HSD17B2: variants seen among roughly 807,000 people sequenced by gnomAD.
HSD17B2 encodes the protein 17-beta-hydroxysteroid dehydrogenase type 2.
A neutral mutation model predicts 26.9 loss-of-function variants in HSD17B2; 32 were observed. The ratio of observed to expected loss-of-function variants is 1.19; its 90% CI spans 0.90 to 1.60. HSD17B2 has a LOEUF of 1.60. Ranked by LOEUF, HSD17B2 falls within the 40% of genes most tolerant of loss-of-function variation. The pLI, the probability that HSD17B2 is intolerant of heterozygous loss-of-function variation, is 0.00. For missense variants in HSD17B2, 613 were observed against 468.6 expected (o/e 1.31, Z -2.85); for synonymous variants, 246 against 186.7 (o/e 1.32, Z -2.59).
At chr16:82,073,849 G>T (rs899083723) in intron 3 of HSD17B2, among the ~76,000 whole-genome samples, 2 of 152,076 alleles carry the variant, frequency 1.3e-5, no homozygotes, top group Non-Finnish European at 2.9e-5. Context: ...TAGAAAAAAA[G>T]ATTTAAAAAT....
chr16:82,071,675 T>A (rs1373561743), intron 3 of HSD17B2: 3 of 190,214 alleles, frequency 1.6e-5, no homozygotes, highest in African/African-American at 7.1e-5. Flanking sequence ...GAACAAATAG[T>A]ACACAACTTG....
intron 3 of HSD17B2, among the ~76,000 whole-genome samples, chr16:82,084,834 G>A (rs566968235): frequency 3.0e-4 from 46 of 152,194 alleles, no homozygotes; most frequent in Non-Finnish European, 5.7e-4. Context: ...TTGGGCTCAA[G>A]CGATCCTCCC....
intron 1 of HSD17B2, among the ~76,000 whole-genome samples, chr16:82,036,585 G>C (rs547715018): frequency 2.0e-5 from 3 of 152,256 alleles, no homozygotes; most frequent in Admixed American, 6.5e-5. Flanking sequence ...GAATGGCATG[G>C]GGATGTGGTT....
chr16:82,051,121 T>C (rs903875651), intron 1 of HSD17B2, among the ~76,000 whole-genome samples: 5 of 152,248 alleles, frequency 3.3e-5, no homozygotes, highest in Non-Finnish European at 7.3e-5. Context: ...GTTACTTTCA[T>C]AGAACTTTTC....
chr16:82,042,691 G>A (rs1280398095), intron 1 of HSD17B2, among the ~76,000 whole-genome samples: 1 of 151,768 alleles, frequency 6.6e-6, no homozygotes, highest in Non-Finnish European at 1.5e-5. Flanking sequence ...GCACGATCTC[G>A]GCTCACTGCA....
chr16:82,041,381 G>C (rs1913761662), intron 1 of HSD17B2, among the ~76,000 whole-genome samples: 1 of 152,182 alleles, frequency 6.6e-6, no homozygotes, highest in African/African-American at 2.4e-5. Context: ...TGTTCTTTTT[G>C]CTGGGGTCAT....
intron 4 of HSD17B2, chr16:82,095,936 G>A (rs1386304275): frequency 6.6e-6 from 1 of 152,128 alleles, no homozygotes; most frequent in Admixed American, 6.5e-5. Flanking sequence ...ACACAAAACT[G>A]TTAGTTACCT....
intron 1 of HSD17B2, among the ~76,000 whole-genome samples, chr16:82,038,239 A>C (rs1913670809): frequency 6.6e-6 from 1 of 152,258 alleles, no homozygotes; most frequent in South Asian, 2.1e-4. Flanking sequence ...TACAGTAAGA[A>C]AAAGTAAGCA....
Position 82,098,328 on chromosome 16 carries a change from C to G in HSD17B2, c.1056C>G (p.His352Gln). The G allele has an allele frequency of 2.5e-6, 4 of 1,614,220 alleles. No individual in the cohort carries two copies. The highest frequency in any genetic ancestry group is 3.4e-6 in the Non-Finnish European group (4 of 1,180,018). Residue 352 changes from histidine to glutamine, a missense_variant, in exon 5 of 5, where the codon CAC becomes CAG. Coordinates refer to ENST00000199936, the MANE Select transcript of HSD17B2 (RefSeq NM_002153.3). ...CTTACTTGTGGATCTGCCTTGCTCA[C>G]TATTTGCCTATTGGCATATATGATT... ...KGAYLWICLAHYLPIGIYDYF... is the reference protein window; with the variant it reads ...KGAYLWICLAQYLPIGIYDYF...
chr16:82,063,557 A>T (rs557960104), intron 1 of HSD17B2, among the ~76,000 whole-genome samples: 1 of 152,172 alleles, frequency 6.6e-6, no homozygotes, highest in East Asian at 1.9e-4. Flanking sequence ...ACAAAAAAAA[A>T]CCTCAGATTT....
At chr16:82,089,218 A>T (rs1334949544) in intron 3 of HSD17B2, among the ~76,000 whole-genome samples, 1 of 152,228 alleles carries the variant, frequency 6.6e-6, no homozygotes, top group African/African-American at 2.4e-5. Context: ...AATTATACCA[A>T]AGAGTACATA....
intron 3 of HSD17B2, among the ~76,000 whole-genome samples, chr16:82,085,019 C>T (rs145519263): frequency 1.3e-5 from 2 of 152,270 alleles, no homozygotes; most frequent in Admixed American, 6.5e-5. Context: ...CTACTGAGGC[C>T]GTCCCAAGCT....
At chr16:82,037,738 G>T (rs1318579016) in intron 1 of HSD17B2, among the ~76,000 whole-genome samples, 2 of 152,190 alleles carry the variant, frequency 1.3e-5, no homozygotes, top group Admixed American at 6.5e-5. Flanking sequence ...CATTAAAAAT[G>T]ACAGCCACAA....
At chr16:82,053,502 T>C (rs1299925933) in intron 1 of HSD17B2, among the ~76,000 whole-genome samples, 1 of 152,170 alleles carries the variant, frequency 6.6e-6, no homozygotes, top group African/African-American at 2.4e-5. Flanking sequence ...AATGCCAACA[T>C]AACCAATGAT....
At chr16:82,053,474 T>A (rs897688310) in intron 1 of HSD17B2, among the ~76,000 whole-genome samples, 4 of 152,110 alleles carry the variant, frequency 2.6e-5, no homozygotes, top group Admixed American at 1.3e-4. Flanking sequence ...GTAGCAGAGA[T>A]TGAAAACTAA....
chr16:82,076,087 A>C (rs1904299552), intron 3 of HSD17B2, among the ~76,000 whole-genome samples: 2 of 152,186 alleles, frequency 1.3e-5, no homozygotes, highest in Admixed American at 1.3e-4. Flanking sequence ...TACACAAATC[A>C]ATCAGTGTGA....
chr16:82,074,128 C>G (rs1382330674), intron 3 of HSD17B2, among the ~76,000 whole-genome samples: 1 of 152,132 alleles, frequency 6.6e-6, no homozygotes, highest in Non-Finnish European at 1.5e-5. Context: ...ATAAACGATG[C>G]TGGGGTAACT....
chr16:82,055,890 G>C (rs1480927610), intron 1 of HSD17B2, among the ~76,000 whole-genome samples: 3 of 152,204 alleles, frequency 2.0e-5, no homozygotes, highest in Non-Finnish European at 4.4e-5. Flanking sequence ...GGAGTGAGTA[G>C]ATTCTAAGGG....
At chr16:82,061,106 A>C (rs1914426362) in intron 1 of HSD17B2, among the ~76,000 whole-genome samples, 1 of 152,116 alleles carries the variant, frequency 6.6e-6, no homozygotes, top group Admixed American at 6.5e-5. Flanking sequence ...TAAAAATACA[A>C]AAATGAGCTG....
Sources: gnomAD v4.1 joint callset for allele counts (sites outside exome capture counted in the v4.1 genomes callset) on GRCh38, gnomAD v4.1.1 for gene constraint, MANE v1.5 for transcripts, NCBI Gene and HGNC (gene_info 2026-07-23, HGNC 2026-07-21) for gene names.